Variants in THAP6 observed in about 807,000 individuals in gnomAD.
THAP6 encodes THAP domain containing 6.
THAP6 carries 13 observed loss-of-function variants against 20.0 expected under a neutral mutation model. The ratio of observed to expected loss-of-function variants is 0.65; its 90% confidence interval spans 0.42 to 1.03. THAP6 has a LOEUF of 1.03. Ranked by LOEUF, THAP6 falls within the 50% of genes least tolerant of loss-of-function variation. THAP6 has a pLI of 0.00. For synonymous variants in THAP6, 93 were observed against 92.2 expected, an observed-to-expected ratio of 1.01 and a Z score of -0.05; for missense variants, 262 against 261.6, an observed-to-expected ratio of 1.00 and a Z score of -0.01.
chr4:75,514,347 G>A, upstream of THAP6: 2 of 1,559,952 alleles, frequency 1.3e-6, no homozygotes, highest in Non-Finnish European at 1.7e-6. Flanking sequence ...CACGCCCAGA[G>A]AAGCTGCGCC....
Position 75,528,628 on chromosome 4 carries a change from A to G in THAP6, c.*1414A>G. 1.0e-6 allele frequency: 1 copy of G among 985,024 alleles called. No individual in the cohort carries two copies. Among genetic ancestry groups the G allele is most frequent in the Non-Finnish European group, 1.2e-6 (1 of 829,578 alleles). The allele number at this position is 985,024 out of a possible 1,614,324, so 61.0% of individuals were successfully genotyped here. On this transcript the variant is annotated 3_prime_UTR_variant, in exon 5 of 5. Transcript: ENST00000311638. ...CTGTTTTAATGCATGTTATACTTTT[A>G]TGTAGGATTCCAAACCTTCCCTCTA...
At chr4:75,525,838 G>A (rs766459108) in intron 4 of THAP6, among the ~76,000 whole-genome samples, 1 of 152,210 alleles carries the variant, frequency 6.6e-6, no homozygotes, top group Non-Finnish European at 1.5e-5. Context: ...AGTCTGGCTA[G>A]TGGGAATAGT....
chr4:75,523,499 G>C (rs1042672352), intron 4 of THAP6, among the ~76,000 whole-genome samples: 4 of 151,982 alleles, frequency 2.6e-5, no homozygotes, highest in African/African-American at 9.7e-5. Flanking sequence ...TGTGCTTGTG[G>C]GATATTACTC....
intron 2 of THAP6, among the ~76,000 whole-genome samples, chr4:75,536,491 T>A (rs1288334644): frequency 5.9e-5 from 9 of 152,126 alleles, no homozygotes; most frequent in Non-Finnish European, 1.0e-4. Flanking sequence ...CCCAATCATA[T>A]GCTGGATACA....
intron 2 of THAP6, among the ~76,000 whole-genome samples, chr4:75,536,878 A>G (rs1726872383): frequency 6.6e-6 from 1 of 152,332 alleles, no homozygotes; most frequent in African/African-American, 2.4e-5. Context: ...AGGATAGAAA[A>G]AGATATCCCT....
chr4:75,514,298 C>A, upstream of THAP6: 2 of 1,609,028 alleles, frequency 1.2e-6, no homozygotes, highest in Non-Finnish European at 8.5e-7. Context: ...TCCTCCACCT[C>A]CCCTCACATT....
chr4:75,545,393 C>T (rs1727103370), intron 3 of THAP6, among the ~76,000 whole-genome samples: 1 of 152,188 alleles, frequency 6.6e-6, no homozygotes, highest in South Asian at 2.1e-4. Flanking sequence ...GCCTCAGGCT[C>T]CTGCTCTGCA....
In THAP6 at chr4:75,517,013, T is replaced by C. The variant is rs557976953; in HGVS notation, c.288+34T>C. 2.7e-5 allele frequency: 29 copies of C among 1,063,842 alleles called. No individual in the cohort carries two copies. The Admixed American group carries it at 5.4e-4, about 20-fold the overall frequency. The allele number at this position is 1,063,842 out of a possible 1,614,324, so 65.9% of individuals were successfully genotyped here. A position where few individuals can be genotyped will look rare whatever the true frequency, so the allele number is the denominator to read the frequency against. On this transcript the variant is annotated intron_variant, in intron 3 of 4. Coordinates refer to ENST00000311638, the MANE Select transcript of THAP6 (RefSeq NM_144721.6). ...ATGAGATACTGTTTACCATCATTGC[T>C]CACTTTTTTTTTTTTTTTTTTTTGA... is the stretch of plus-strand genomic sequence containing the variant.
At chr4:75,542,640 G>C (rs1365402612) in intron 3 of THAP6, 4 of 566,114 alleles carry the variant, frequency 7.1e-6, no homozygotes, top group Non-Finnish European at 1.3e-5. Flanking sequence ...TTCACAGCTG[G>C]TATAACGATG....
At position 75,527,109 on chromosome 4, in the gene THAP6, G is replaced by A; in HGVS notation, c.564G>A (p.Arg188=). 1 of 1,614,050 alleles carries A rather than the reference G, an allele frequency of 6.2e-7. No homozygotes were observed. The highest frequency in any genetic ancestry group is 8.5e-7 in the Non-Finnish European group (1 of 1,179,982). The change falls in exon 5 of 5, where the codon AGG becomes AGA. Residue 188 remains arginine, a synonymous_variant. Transcript: ENST00000311638. ...RFQKSLRKTI[R]ELKDECLISQ... ...AGAAATCATTGAGGAAGACAATCAG[G>A]GAATTAAAGGATGAATGTCTGATCA...
chr4:75,525,488 A>G (rs1726308301), intron 4 of THAP6, among the ~76,000 whole-genome samples: 1 of 152,126 alleles, frequency 6.6e-6, no homozygotes, highest in African/African-American at 2.4e-5. Context: ...TTTTTTATAT[A>G]TTTTATGTAC....
At position 75,527,266 on chromosome 4, in the gene THAP6, TAA is replaced by T. The variant is rs1165908718; in HGVS notation, c.*55_*56del. 1.3e-6 allele frequency: 2 copies of T among 1,567,722 alleles called. No individual in the cohort carries two copies. Among genetic ancestry groups the T allele is most frequent in the Non-Finnish European group, 1.7e-6 (2 of 1,157,522 alleles). On this transcript the variant is annotated 3_prime_UTR_variant, in exon 5 of 5. Coordinates refer to ENST00000311638, the MANE Select transcript of THAP6 (RefSeq NM_144721.6). ...AAATTGTCATTGGTACAAATTTTTA[TAA>T]AATCTCATTTACCATCACTAAATAA...
intron 2 of THAP6, among the ~76,000 whole-genome samples, chr4:75,516,446 TA>T (rs1192803345): frequency 1.3e-5 from 2 of 152,372 alleles, no homozygotes; most frequent in East Asian, 1.9e-4. Context: ...GCCCAAGTGA[TA>T]ATTCTTTTAT....
intron 2 of THAP6, chr4:75,540,016 C>A: frequency 2.0e-6 from 3 of 1,516,086 alleles, no homozygotes; most frequent in Non-Finnish European, 2.6e-6. Context: ...CAGAAGCAGG[C>A]AAGGAACATT....
intron 3 of THAP6, chr4:75,517,633 A>G (rs916928565): frequency 6.6e-6 from 1 of 152,286 alleles, no homozygotes; most frequent in African/African-American, 2.4e-5. Flanking sequence ...AGTCAGGAGT[A>G]GAACCACTAA....
intron 2 of THAP6, among the ~76,000 whole-genome samples, chr4:75,535,363 G>A (rs946459498): frequency 6.6e-6 from 1 of 152,056 alleles, no homozygotes; most frequent in Admixed American, 6.5e-5. Flanking sequence ...ATCCAGCAAG[G>A]CAGTTCAACT....
intron 4 of THAP6, among the ~76,000 whole-genome samples, chr4:75,526,452 A>T (rs1010445945): frequency 3.3e-5 from 5 of 152,210 alleles, no homozygotes; most frequent in African/African-American, 1.2e-4. Context: ...TTTAAGCATA[A>T]CCATAATAAA....
At position 75,529,646 on chromosome 4, in the gene THAP6, G is replaced by A. The variant is rs1726597997; in HGVS notation, c.*2432G>A. On this transcript the variant is annotated 3_prime_UTR_variant, in exon 5 of 5. Coordinates refer to ENST00000311638, the MANE Select transcript of THAP6 (RefSeq NM_144721.6). ...CTAGCCCAGGAAAGAACTGGCCTGT[G>A]TAAAGCAAAACCCAAGTCATCCCCC... 1.0e-6 allele frequency: 1 copy of A among 985,418 alleles called. No homozygotes were observed. The highest frequency in any genetic ancestry group is 1.2e-6 in the Non-Finnish European group (1 of 829,960). 61.0% of individuals were successfully genotyped at this position (985,418 alleles called of 1,614,324 possible).
At chr4:75,530,949 A>T (rs1278120932), downstream of THAP6, among the ~76,000 whole-genome samples, 1 of 152,176 alleles carries the variant, frequency 6.6e-6, no homozygotes, top group Non-Finnish European at 1.5e-5. Context: ...TCTATCTTGT[A>T]TGTCTGTAAA....
Sources: allele counts gnomAD v4.1 joint callset (sites outside exome capture counted in the v4.1 genomes callset), GRCh38; gene constraint gnomAD v4.1.1; transcripts MANE v1.5; gene names NCBI Gene and HGNC (gene_info 2026-07-23, HGNC 2026-07-21).